Variants in MTA3 observed in about 807,000 individuals in gnomAD.
MTA3 encodes metastasis associated 1 family member 3.
Under a neutral mutation model 83.5 loss-of-function variants are expected in MTA3, and 34 were observed. That is an observed-to-expected ratio of 0.41 (90% CI 0.31 to 0.54). The LOEUF (loss-of-function observed/expected upper bound fraction) is 0.54, where lower values mean the gene tolerates loss of function less well. MTA3 is among the 20% of genes least tolerant of loss of function. The pLI is 0.33. For synonymous variants in MTA3, 303 were observed against 252.7 expected (o/e 1.20, Z -1.89); for missense variants, 761 against 726.4 (o/e 1.05, Z -0.55).
intron 16 of MTA3, among the ~76,000 whole-genome samples, chr2:42,739,191 C>A (rs1442343898): frequency 1.3e-5 from 2 of 152,056 alleles, no homozygotes; most frequent in Non-Finnish European, 2.9e-5. Context: ...TGTGATGTCT[C>A]CCCCAGATGC....
At position 42,595,911 on chromosome 2, in the gene MTA3, A is replaced by G. The variant is rs530803661; in HGVS notation, c.191-13547A>G. On this transcript the variant is annotated intron_variant, in intron 3 of 16. Transcript: ENST00000405094. ...TCTACATGTAAGTTAAGTCCATCTT[A>G]CATTATATATGTCCCCATCTAAGTT... 1.1e-4 allele frequency among the ~76,000 whole-genome samples: 16 copies of G among 152,344 alleles called. No individual in the cohort carries two copies. The South Asian group carries it at 1.4e-3, about 14-fold the overall frequency.
At chr2:42,520,884 G>A (rs1029059806) in intron 2 of MTA3, among the ~76,000 whole-genome samples, 11 of 152,040 alleles carry the variant, frequency 7.2e-5, no homozygotes, top group African/African-American at 2.7e-4. Context: ...CTTCCACCTA[G>A]CCTCTCCACC....
intron 7 of MTA3, among the ~76,000 whole-genome samples, chr2:42,658,032 A>T (rs1183341514): frequency 7.5e-6 from 1 of 133,574 alleles, no homozygotes; most frequent in Non-Finnish European, 1.5e-5. Context: ...AGATCGCACC[A>T]TTGCACTCCA....
At chr2:42,605,704 G>A (rs1339483391) in intron 3 of MTA3, among the ~76,000 whole-genome samples, 1 of 130,580 alleles carries the variant, frequency 7.7e-6, no homozygotes, top group Admixed American at 7.3e-5. Context: ...GCGGCTGGCC[G>A]GGCGGGGGGC....
intron 3 of MTA3, among the ~76,000 whole-genome samples, chr2:42,588,930 G>A (rs1363646733): frequency 6.6e-6 from 1 of 152,094 alleles, no homozygotes; most frequent in Non-Finnish European, 1.5e-5. Context: ...TCCACAGGGA[G>A]GCTGTCTGTT....
chr2:42,506,941 C>T (rs1674659816), intron 2 of MTA3, among the ~76,000 whole-genome samples: 1 of 152,004 alleles, frequency 6.6e-6, no homozygotes, highest in Non-Finnish European at 1.5e-5. Flanking sequence ...CTCACTCCAT[C>T]TCCTGAACTG....
intron 16 of MTA3, among the ~76,000 whole-genome samples, chr2:42,748,618 G>A (rs1002760161): frequency 6.6e-6 from 1 of 152,050 alleles, no homozygotes; most frequent in Non-Finnish European, 1.5e-5. Flanking sequence ...ATTCTTTAGC[G>A]TATTTATAGT....
At chr2:42,507,625 T>TG (rs933630843) in intron 2 of MTA3, among the ~76,000 whole-genome samples, 4 of 149,256 alleles carry the variant, frequency 2.7e-5, no homozygotes, top group African/African-American at 9.9e-5. Context: ...ATGTTTTTAA[T>TG]GAAAAAAAAA....
At chr2:42,578,078 A>C (rs938714418) in intron 2 of MTA3, among the ~76,000 whole-genome samples, 11 of 152,244 alleles carry the variant, frequency 7.2e-5, no homozygotes, top group Admixed American at 7.2e-4. Context: ...AATCTAAAAT[A>C]CGGCTGCTGG....
At chr2:42,675,810 G>C (rs1207068648) in intron 8 of MTA3, among the ~76,000 whole-genome samples, 1 of 152,076 alleles carries the variant, frequency 6.6e-6, no homozygotes, top group South Asian at 2.1e-4. Flanking sequence ...TTCTGTTATA[G>C]AAACTGTATT....
intron 3 of MTA3, among the ~76,000 whole-genome samples, chr2:42,595,106 A>C (rs867126163): frequency 1.3e-5 from 1 of 77,032 alleles, no homozygotes. Context: ...CAGGAGCTTC[A>C]TTTTTTTTTT....
chr2:42,746,546 C>A (rs1294921299), intron 16 of MTA3, among the ~76,000 whole-genome samples: 1 of 152,178 alleles, frequency 6.6e-6, no homozygotes, highest in Admixed American at 6.5e-5. Flanking sequence ...CTCTCCCAGT[C>A]CCACAAGACT....
chr2:42,731,551 C>T (rs1054072488), intron 16 of MTA3, among the ~76,000 whole-genome samples: 1 of 152,128 alleles, frequency 6.6e-6, no homozygotes, highest in Non-Finnish European at 1.5e-5. Context: ...CTCACTATGA[C>T]AAGAATAGCG....
intron 14 of MTA3, among the ~76,000 whole-genome samples, chr2:42,714,362 A>T (rs28669257): frequency 1.2e-3 from 177 of 151,688 alleles, no homozygotes; most frequent in East Asian, 8.9e-3. Flanking sequence ...ATTTTTTTTT[A>T]AAAAAAGACA....
At chr2:42,497,584 CA>C (rs112802576) in intron 2 of MTA3, among the ~76,000 whole-genome samples, 320 of 122,858 alleles carry the variant, frequency 2.6e-3, no homozygotes, top group African/African-American at 2.4e-3. Context: ...GACTCCATCT[CA>C]AAAAAAAAAA....
rs1012459441 is a variant in MTA3, at chr2:42,755,479, C to T, written c.*2080C>T. 18 of 985,464 alleles carry T rather than the reference C, an allele frequency of 1.8e-5. No individual in the cohort carries two copies. In the South Asian group the frequency reaches 2.3e-4, roughly 13 times the overall value. 61.0% of individuals were successfully genotyped at this position (985,464 alleles called of 1,614,324 possible). A position where few individuals can be genotyped will look rare whatever the true frequency, so the allele number is the denominator to read the frequency against. Reference sequence around the variant, plus strand: ...GGCTTTGGGAAAAGCGCAGCTTGTTCGAGCCACGTGTGCCAAGCAGGCTTT... The same window carrying T: ...GGCTTTGGGAAAAGCGCAGCTTGTTTGAGCCACGTGTGCCAAGCAGGCTTT... On this transcript the variant is annotated 3_prime_UTR_variant, in exon 17 of 17. Transcript: ENST00000405094.
chr2:42,495,651 G>A (rs1674096693), intron 2 of MTA3, among the ~76,000 whole-genome samples: 2 of 152,124 alleles, frequency 1.3e-5, no homozygotes, highest in Non-Finnish European at 1.5e-5. Context: ...GAAGTATAAT[G>A]CACTTGCCCA....
chr2:42,714,205 T>A (rs968391043), intron 14 of MTA3, among the ~76,000 whole-genome samples: 2 of 152,228 alleles, frequency 1.3e-5, no homozygotes, highest in Non-Finnish European at 2.9e-5. Context: ...TGTCAACTGT[T>A]TTTGCCCGTG....
intron 2 of MTA3, among the ~76,000 whole-genome samples, chr2:42,542,365 A>G (rs934496198): frequency 5.9e-5 from 9 of 152,168 alleles, no homozygotes; most frequent in African/African-American, 1.9e-4. Flanking sequence ...ATAGATACCC[A>G]TATGTGAAGA....
Sources: gnomAD v4.1 joint callset for allele counts (sites outside exome capture counted in the v4.1 genomes callset) on GRCh38, gnomAD v4.1.1 for gene constraint, MANE v1.5 for transcripts, NCBI Gene and HGNC (gene_info 2026-07-23, HGNC 2026-07-21) for gene names.